The following DMXL1 variants were observed in gnomAD, a reference collection of about 807,000 sequenced individuals.
The protein encoded by DMXL1 is dmX-like protein 1.
In DMXL1, 99 loss-of-function variants were observed where a neutral mutation model predicts 319.2. The ratio of observed to expected loss-of-function variants is 0.31; its 90% CI spans 0.26 to 0.37. The LOEUF (loss-of-function observed/expected upper bound fraction) is 0.37, where lower values mean the gene tolerates loss of function less well. Among genes scored for constraint, DMXL1 ranks in the 10% least tolerant of loss-of-function variants. The pLI is 1.00. For missense variants in DMXL1, 3,745 were observed against 3,595.6 expected, an observed-to-expected ratio of 1.04 and a Z score of -1.06; for synonymous variants, 1,385 against 1,235.2, an observed-to-expected ratio of 1.12 and a Z score of -2.54.
At chr5:119,236,094 A>G (rs2150707511) in intron 39 of DMXL1, among the ~76,000 whole-genome samples, 1 of 152,202 alleles carries the variant, frequency 6.6e-6, no homozygotes, top group Non-Finnish European at 1.5e-5. Context: ...AATAGATAAA[A>G]CATCTTAACA....
chr5:119,182,871 C>T (rs1205636063), intron 28 of DMXL1, among the ~76,000 whole-genome samples: 2 of 152,062 alleles, frequency 1.3e-5, no homozygotes, highest in Non-Finnish European at 2.9e-5. Context: ...TAAGCAATAG[C>T]AATTTTCAAA....
At chr5:119,171,327 T>G in intron 24 of DMXL1, 47 bp downstream of exon 24, 1 of 1,515,670 alleles carries the variant, frequency 6.6e-7, no homozygotes, top group Non-Finnish European at 8.8e-7. Context: ...TCTAAAACTG[T>G]TTTTGGTGTT....
At chr5:119,143,572 T>G (rs1227522529) in intron 13 of DMXL1, among the ~76,000 whole-genome samples, 1 of 152,028 alleles carries the variant, frequency 6.6e-6, no homozygotes, top group Non-Finnish European at 1.5e-5. Flanking sequence ...TGAAATCAAT[T>G]TTTCACATTT....
chr5:119,137,084 C>G (rs990859456), intron 13 of DMXL1, among the ~76,000 whole-genome samples: 2 of 152,240 alleles, frequency 1.3e-5, no homozygotes, highest in Non-Finnish European at 2.9e-5. Context: ...AGGCACTGTA[C>G]CCTGCAGAGC....
chr5:119,135,137 A>T (rs1386099713), intron 13 of DMXL1, among the ~76,000 whole-genome samples: 1 of 152,142 alleles, frequency 6.6e-6, no homozygotes, highest in Non-Finnish European at 1.5e-5. Flanking sequence ...AGGTTTTCCA[A>T]AGCATGTATA....
intron 28 of DMXL1, chr5:119,178,686 C>G: frequency 1.0e-6 from 1 of 983,088 alleles, no homozygotes; most frequent in Non-Finnish European, 1.2e-6. Flanking sequence ...CCCAGTCTTG[C>G]AGGCAAGATA....
rs1776173922 is a variant in DMXL1 at position 119,178,221 on chromosome 5, A to G, written c.7112A>G (p.Gln2371Arg). 6.2e-7 allele frequency: 1 copy of G among 1,613,618 alleles called. No homozygotes were observed. The change falls in exon 28 of 44, where the codon CAG becomes CGG. Residue 2371 changes from glutamine (Q) to arginine (R), a missense_variant. This residue lies in a region of DMXL1 where 1,382 missense variants were observed against 1,269.5 expected (regional missense o/e 1.09). Coordinates refer to ENST00000539542, the MANE Select transcript of DMXL1 (RefSeq NM_001290321.3). ...GGGAHVPSKE[Q>R]THSKTLPVSS... ...GGTGCACATGTTCCTAGCAAAGAAC[A>G]GACACATTCAAAAACTTTACCTGGT...
At chr5:119,197,496 A>G (rs1424340520) in intron 31 of DMXL1, among the ~76,000 whole-genome samples, 3 of 152,098 alleles carry the variant, frequency 2.0e-5, no homozygotes, top group African/African-American at 7.2e-5. Context: ...CTTCAGATAC[A>G]TTTTTCTGGT....
chr5:119,196,266 G>T, intron 30 of DMXL1, 105 bp from the exon 31 acceptor site: 6 of 839,108 alleles, frequency 7.2e-6, no homozygotes, highest in Non-Finnish European at 1.2e-5. Flanking sequence ...AGAGGGGTAT[G>T]TTCAGGTTGA....
intron 34 of DMXL1, among the ~76,000 whole-genome samples, chr5:119,208,093 AAC>A (rs1179404065): frequency 6.6e-6 from 1 of 152,094 alleles, no homozygotes; most frequent in Non-Finnish European, 1.5e-5. Flanking sequence ...CATACTTTCA[AAC>A]TATCTAGTGG....
chr5:119,152,266 G>A (rs907146866), intron 19 of DMXL1, among the ~76,000 whole-genome samples: 6 of 152,114 alleles, frequency 3.9e-5, no homozygotes, highest in Admixed American at 2.0e-4. Context: ...GAGATGTTCT[G>A]TGTTATGTTT....
rs763128064 is a variant in DMXL1 at position 119,148,849 on chromosome 5, G to C, written c.3022G>C (p.Glu1008Gln). ...CTGGAGATGCAGAGTAACAGATGGA[G>C]AATCTGCCACGTCAAAGAATGGAAA... Reference protein sequence around the residue: ...RFWRCRVTDGESATSKNGKID... With the variant: ...RFWRCRVTDGQSATSKNGKID... The change falls in exon 18 of 44, where the codon GAA becomes CAA. Residue 1008 changes from glutamate to glutamine, a missense_variant. By Grantham distance (29) the Glu-to-Gln change is conservative. This residue lies in a region of DMXL1 where 2,096 missense variants were observed against 1,985.4 expected (regional missense o/e 1.06). Coordinates refer to ENST00000539542, the MANE Select transcript of DMXL1 (RefSeq NM_001290321.3). 1 of 1,613,750 alleles carries C rather than the reference G, an allele frequency of 6.2e-7. No homozygotes were observed. The highest frequency in any genetic ancestry group is 1.1e-5 in the South Asian group (1 of 91,072).
intron 43 of DMXL1, 118 bp from the exon 44 acceptor site, chr5:119,246,877 C>A: frequency 1.5e-6 from 1 of 662,310 alleles, no homozygotes; most frequent in Non-Finnish European, 2.6e-6. Flanking sequence ...AGGTGGTCTG[C>A]CTGCCTTGAC....
At chr5:119,218,431 TTTTATTTTATTTTATTTTAC>T (rs1295472311) in intron 35 of DMXL1, among the ~76,000 whole-genome samples, 6 of 151,770 alleles carry the variant, frequency 4.0e-5, no homozygotes, top group South Asian at 2.1e-4. Context: ...TTTTTATTTA[TTTTATTTTATTTTATTTTAC>T]TTTATTTTAT....
At chr5:119,217,809 T>C (rs367577211) in intron 35 of DMXL1, among the ~76,000 whole-genome samples, 62 of 152,304 alleles carry the variant, frequency 4.1e-4, no homozygotes, top group African/African-American at 1.4e-3. Flanking sequence ...ACCCATTTAG[T>C]AATCCTTTCA....
At chr5:119,078,067 G>A (rs967845821) in intron 1 of DMXL1, among the ~76,000 whole-genome samples, 3 of 151,624 alleles carry the variant, frequency 2.0e-5, no homozygotes, top group African/African-American at 4.8e-5. Flanking sequence ...TCAGGTAGAC[G>A]GATTATTTTT....
intron 37 of DMXL1, among the ~76,000 whole-genome samples, chr5:119,221,324 A>AT (rs936805920): frequency 5.3e-5 from 8 of 152,344 alleles, no homozygotes; most frequent in African/African-American, 1.9e-4. Flanking sequence ...ATTAAGAATT[A>AT]TTTGAAACAT....
At chr5:119,124,877 T>G (rs1159249072) in intron 9 of DMXL1, among the ~76,000 whole-genome samples, 1 of 152,168 alleles carries the variant, frequency 6.6e-6, no homozygotes, top group African/African-American at 2.4e-5. Context: ...AACATTTTTC[T>G]TTTATTGTGG....
At chr5:119,192,889 AC>A (rs1479845680) in intron 29 of DMXL1, among the ~76,000 whole-genome samples, 2 of 151,924 alleles carry the variant, frequency 1.3e-5, no homozygotes, top group Admixed American at 6.6e-5. Flanking sequence ...TTGTATATTC[AC>A]CCTTATAGTT....
Sources: gnomAD v4.1 joint callset for allele counts (sites outside exome capture counted in the v4.1 genomes callset) on GRCh38, gnomAD v4.1.1 for gene constraint, gnomAD v4.1.1 regional missense constraint, MANE v1.5 for transcripts, NCBI Gene and HGNC (gene_info 2026-07-23, HGNC 2026-07-21) for gene names.